Variants in LIPH observed in about 807,000 individuals in gnomAD.
The protein encoded by LIPH is lipase H.
Under a neutral mutation model 47.6 loss-of-function variants are expected in LIPH, and 32 were observed. That is an observed-to-expected ratio of 0.67 (90% CI 0.51 to 0.90). The LOEUF is 0.90. Among genes scored for constraint, LIPH ranks in the 40% least tolerant of loss-of-function variants. LIPH has a pLI of 0.00. For missense variants in LIPH, 497 were observed against 541.4 expected, an observed-to-expected ratio of 0.92 and a Z score of 0.81; for synonymous variants, 190 against 195.6, an observed-to-expected ratio of 0.97 and a Z score of 0.24.
intron 1 of LIPH, among the ~76,000 whole-genome samples, chr3:185,542,323 CTTTTTTT>C (rs113312470): frequency 6.9e-6 from 1 of 145,190 alleles, no homozygotes; most frequent in Non-Finnish European, 1.5e-5. Context: ...TTTCTTTTTT[CTTTTTTT>C]TTTTGAGACG....
chr3:185,509,946 C>CTTTTTTTT (rs66966684), intron 9 of LIPH, among the ~76,000 whole-genome samples: 1 of 118,454 alleles, frequency 8.4e-6, no homozygotes, highest in African/African-American at 3.1e-5. Flanking sequence ...TTTTTGTTTT[C>CTTTTTTTT]TTTTTTTTTT....
chr3:185,526,333 C>T (rs1026287322), intron 4 of LIPH, among the ~76,000 whole-genome samples: 6 of 151,828 alleles, frequency 4.0e-5, no homozygotes, highest in African/African-American at 9.7e-5. Context: ...CCAGCCTGGC[C>T]GACATAGTGA....
intron 5 of LIPH, among the ~76,000 whole-genome samples, chr3:185,520,283 G>T (rs1476409538): frequency 2.0e-5 from 3 of 152,056 alleles, no homozygotes; most frequent in Non-Finnish European, 4.4e-5. Flanking sequence ...CACTTTGGGA[G>T]GCTGAGATGG....
intron 1 of LIPH, among the ~76,000 whole-genome samples, chr3:185,546,469 C>T (rs1042112849): frequency 6.6e-6 from 1 of 151,908 alleles, no homozygotes; most frequent in African/African-American, 2.4e-5. Flanking sequence ...CAAAGCCTGC[C>T]TGGGCAATAT....
In LIPH at chr3:185,519,279, C is replaced by A. The variant is rs762143873; in HGVS notation, c.749G>T (p.Arg250Met). ...GFQYFKCDHQ[R>M]SVYLYLSSLR... Reference sequence around the variant, plus strand: ...GGAAGACAGGTACAGGTATACAGACCTCTGGTGGTCACATTTAAAATACTG... The same window carrying A: ...GGAAGACAGGTACAGGTATACAGACATCTGGTGGTCACATTTAAAATACTG... Residue 250 changes from arginine to methionine, a missense_variant, in exon 6 of 10, where the codon AGG (arginine) becomes ATG (methionine). Coordinates refer to ENST00000296252, the MANE Select transcript of LIPH (RefSeq NM_139248.3). 5 of 1,613,384 alleles carry A rather than the reference C, an allele frequency of 3.1e-6. No individual in the cohort carries two copies. In the South Asian group the frequency reaches 3.3e-5, roughly 11 times the overall value.
chr3:185,542,731 C>A (rs1294402495), intron 1 of LIPH, among the ~76,000 whole-genome samples: 1 of 152,106 alleles, frequency 6.6e-6, no homozygotes, highest in East Asian at 1.9e-4. Context: ...TGTCTCTCAA[C>A]AGATGATTGG....
At chr3:185,538,468 T>G (rs1314809979) in intron 1 of LIPH, among the ~76,000 whole-genome samples, 1 of 152,176 alleles carries the variant, frequency 6.6e-6, no homozygotes, top group Non-Finnish European at 1.5e-5. Context: ...ATCTTCTTTC[T>G]CTTGCATCAT....
chr3:185,540,377 T>C (rs190548304), intron 1 of LIPH, among the ~76,000 whole-genome samples: 1 of 152,284 alleles, frequency 6.6e-6, no homozygotes, highest in African/African-American at 2.4e-5. Flanking sequence ...ATTGGGAAGT[T>C]TATAGCTTGC....
Position 185,527,596 on chromosome 3 carries a change from AAC to A in LIPH, c.527-13_527-12del, listed in dbSNP as rs1433097783. 6.3e-7 allele frequency: 1 copy of A among 1,576,228 alleles called. No individual in the cohort carries two copies. Among genetic ancestry groups the A allele is most frequent in the African/African-American group, 1.4e-5 (1 of 73,586 alleles). ...CTGCAGGGTCGAGGCCTGGAAGGAAAACAGAGTCACTTGGCAGCCCCACACCA... is the reference window on the plus strand; with the variant it reads ...CTGCAGGGTCGAGGCCTGGAAGGAAAAGAGTCACTTGGCAGCCCCACACCA... On this transcript the variant is annotated splice_polypyrimidine_tract_variant and intron_variant, in intron 3 of 9. Coordinates refer to ENST00000296252, the MANE Select transcript of LIPH (RefSeq NM_139248.3).
chr3:185,532,735 A>G (rs1720372392), intron 3 of LIPH, among the ~76,000 whole-genome samples: 1 of 152,150 alleles, frequency 6.6e-6, no homozygotes, highest in African/African-American at 2.4e-5. Context: ...GGTTGCAGTG[A>G]CCCGAGATTG....
chr3:185,510,396 AAAT>A (rs1719524229), intron 9 of LIPH, among the ~76,000 whole-genome samples: 1 of 152,214 alleles, frequency 6.6e-6, no homozygotes, highest in South Asian at 2.1e-4. Context: ...CTCTGTACTT[AAAT>A]AATAATTCTT....
chr3:185,522,516 G>GGAAGGAAAAGGAAGGAAGGAGGGAAGA (rs1719924224), intron 5 of LIPH, among the ~76,000 whole-genome samples: 1 of 149,268 alleles, frequency 6.7e-6, no homozygotes, highest in African/African-American at 2.5e-5. Context: ...AGGAGGGAAG[G>GGAAGGAAAAGGAAGGAAGGAGGGAAGA]AAGGAAGGGA....
chr3:185,519,393 T>A lies in LIPH; in HGVS notation c.719-84A>T, dbSNP rs369952646. On this transcript the variant is annotated intron_variant, in intron 5 of 9. Transcript: ENST00000296252. The stretch of plus-strand genomic sequence containing the variant: ...ATCACATATTCTATACACACACAAT[T>A]TCTCATCTGGCCCTGCGCTCTTTCA... 198 of 844,618 alleles carry A rather than the reference T, an allele frequency of 2.3e-4. No homozygotes were observed. In the African/African-American group the frequency reaches 2.8e-3, roughly 12 times the overall value. 52.3% of individuals were successfully genotyped at this position (844,618 alleles called of 1,614,324 possible).
intron 2 of LIPH, among the ~76,000 whole-genome samples, chr3:185,534,104 T>G (rs1042835516): frequency 1.3e-5 from 2 of 152,082 alleles, no homozygotes; most frequent in African/African-American, 4.8e-5. Context: ...ACGCCTGTAA[T>G]CCCAGCACTT....
intron 1 of LIPH, among the ~76,000 whole-genome samples, chr3:185,549,737 G>A (rs997806370): frequency 6.6e-6 from 1 of 152,172 alleles, no homozygotes. Context: ...AGGCTGAAGT[G>A]CAGTGGCTAC....
chr3:185,512,184 T>A (rs542603983), intron 8 of LIPH, among the ~76,000 whole-genome samples: 1 of 152,306 alleles, frequency 6.6e-6, no homozygotes, highest in East Asian at 1.9e-4. Context: ...AGTTATGATC[T>A]TTCCGTTAAA....
intron 3 of LIPH, among the ~76,000 whole-genome samples, chr3:185,528,270 G>A (rs1048885092): frequency 1.5e-5 from 2 of 134,028 alleles, no homozygotes; most frequent in Non-Finnish European, 3.1e-5. Context: ...AAGAAAGCAA[G>A]CAGATGCTAT....
intron 1 of LIPH, 72 bp downstream of exon 1, chr3:185,552,351 G>T: frequency 1.9e-6 from 2 of 1,035,456 alleles, no homozygotes; most frequent in South Asian, 1.3e-5. Context: ...GTGGAATGAT[G>T]ACATGCAAAA....
rs866749761 is a variant in LIPH at position 185,524,136 on chromosome 3, C to G, written c.653G>C (p.Gly218Ala). The G allele has an allele frequency of 2.4e-5, 39 of 1,612,656 alleles. No individual in the cohort carries two copies. Among genetic ancestry groups the G allele is most frequent in the Admixed American group, 3.3e-5 (2 of 59,992 alleles). The change falls in exon 5 of 10, where the codon GGA becomes GCA. Residue 218 changes from glycine to alanine, a missense_variant. Transcript: ENST00000296252. ...TCCATTTGGGTAGAAGTCTATGTTT[C>G]CTAATGGCTCCTTGTAGCCCAGTGC... is the stretch of plus-strand genomic sequence containing the variant. ...TDALGYKEPL[G>A]NIDFYPNGGL...
Sources: allele counts gnomAD v4.1 joint callset (sites outside exome capture counted in the v4.1 genomes callset), GRCh38; gene constraint gnomAD v4.1.1; transcripts MANE v1.5; gene names NCBI Gene and HGNC (gene_info 2026-07-23, HGNC 2026-07-21).